The following DHRSX variants were observed in gnomAD, a reference collection of about 807,000 sequenced individuals.
The protein encoded by DHRSX is dehydrogenase/reductase X-linked, also known as polyprenol dehydrogenase.
DHRSX carries 31 observed loss-of-function variants against 34.0 expected under a neutral mutation model. The ratio of observed to expected loss-of-function variants is 0.91; its 90% confidence interval spans 0.69 to 1.23. The LOEUF (loss-of-function observed/expected upper bound fraction) is 1.23, where lower values mean the gene tolerates loss of function less well. Ranked by LOEUF, DHRSX falls within the 50% of genes most tolerant of loss-of-function variation. The probability of loss-of-function intolerance (pLI) is 0.00; values close to 1 mark genes in which losing one functional copy is unlikely to be tolerated. For missense variants in DHRSX, 414 were observed against 428.1 expected (o/e 0.97, Z 0.29); for synonymous variants, 201 against 183.8 (o/e 1.09, Z -0.76).
chrX:2,265,169 G>A (rs1426692386), intron 5 of DHRSX, among the ~76,000 whole-genome samples: 7 of 119,110 alleles, frequency 5.9e-5, no homozygotes, highest in African/African-American at 1.7e-4. Context: ...TCCAGCAGAC[G>A]CAGGGAGCAC....
At chrX:2,237,451 T>C (rs964384816) in intron 6 of DHRSX, among the ~76,000 whole-genome samples, 1 of 152,030 alleles carries the variant, frequency 6.6e-6, no homozygotes, top group Non-Finnish European at 1.5e-5. Flanking sequence ...CAGGACTTGC[T>C]GGACATGAGC....
Position 2,238,284 on chromosome X carries a change from C to T in DHRSX, c.804+4739G>A, listed in dbSNP as rs1037439206. Among the ~76,000 whole-genome samples the T allele has an allele frequency of 4.3e-4, 65 of 152,230 alleles. 1 individual carries two copies. The highest frequency in any genetic ancestry group is 9.8e-4 in the Admixed American group (15 of 15,264). ...AGGTGGGGTGATCGTTTCAGTCCAG[C>T]AGGTCGAGGCTGCTGTGAGCTGTGA... is the stretch of plus-strand genomic sequence containing the variant. On this transcript the variant is annotated intron_variant, in intron 6 of 6. Transcript: ENST00000334651.
intron 4 of DHRSX, among the ~76,000 whole-genome samples, chrX:2,287,766 G>A (rs1436461135): frequency 2.0e-5 from 3 of 152,052 alleles, no homozygotes; most frequent in African/African-American, 7.2e-5. Flanking sequence ...TCCTCATGTG[G>A]GAAACAGAAT....
intron 5 of DHRSX, chrX:2,261,305 T>C (rs1259804028): frequency 2.6e-5 from 4 of 152,172 alleles, no homozygotes; most frequent in African/African-American, 4.8e-5. Context: ...AAAACTCTCT[T>C]GTTAATTGCA....
intron 1 of DHRSX, among the ~76,000 whole-genome samples, chrX:2,497,961 G>A (rs1029052563): frequency 2.0e-5 from 3 of 152,254 alleles, no homozygotes; most frequent in Non-Finnish European, 2.9e-5. Flanking sequence ...TGAATGGGCC[G>A]CATGGATATA....
chrX:2,334,454 C>T (rs1245074672), intron 3 of DHRSX: 1 of 151,686 alleles, frequency 6.6e-6, no homozygotes, highest in African/African-American at 2.4e-5. Flanking sequence ...GACCCAGCCG[C>T]CTATTTTCTT....
intron 2 of DHRSX, among the ~76,000 whole-genome samples, chrX:2,421,479 G>A (rs756970151): frequency 5.3e-5 from 8 of 152,270 alleles, no homozygotes; most frequent in African/African-American, 1.7e-4. Context: ...AGTGAAGGAC[G>A]GAGCAAGGAG....
intron 1 of DHRSX, among the ~76,000 whole-genome samples, chrX:2,462,979 T>C (rs890003397): frequency 1.3e-5 from 2 of 152,040 alleles, no homozygotes; most frequent in Non-Finnish European, 2.9e-5. Context: ...TCAAGCCTCA[T>C]GAATAGGATC....
chrX:2,455,956 A>G (rs1340480712), intron 1 of DHRSX, among the ~76,000 whole-genome samples: 1 of 152,062 alleles, frequency 6.6e-6, no homozygotes, highest in African/African-American at 2.4e-5. Flanking sequence ...CTGGGCTTCC[A>G]CAAATCCCCG....
intron 2 of DHRSX, among the ~76,000 whole-genome samples, chrX:2,417,600 T>C (rs2043713372): frequency 6.6e-6 from 1 of 152,042 alleles, no homozygotes. Context: ...GACGTCATCA[T>C]GACCTACCCA....
chrX:2,327,163 G>A (rs1489084718), intron 3 of DHRSX, among the ~76,000 whole-genome samples: 9 of 152,138 alleles, frequency 5.9e-5, no homozygotes, highest in East Asian at 1.9e-4. Context: ...CATGAGTGAC[G>A]CTGGCGGCCA....
intron 6 of DHRSX, among the ~76,000 whole-genome samples, chrX:2,224,673 T>A (rs1229369920): frequency 5.3e-5 from 8 of 152,130 alleles, no homozygotes; most frequent in Non-Finnish European, 1.0e-4. Flanking sequence ...TACATTCGTA[T>A]GTACTCACAT....
chrX:2,478,825 G>A (rs2044723186), intron 1 of DHRSX, among the ~76,000 whole-genome samples: 1 of 150,512 alleles, frequency 6.6e-6, no homozygotes, highest in Admixed American at 6.6e-5. Context: ...CACCATGTAA[G>A]AAGTGAAGAC....
chrX:2,247,276 CCT>C, intron 5 of DHRSX, among the ~76,000 whole-genome samples: 1 of 151,972 alleles, frequency 6.6e-6, no homozygotes, highest in African/African-American at 2.4e-5. Flanking sequence ...ACCTCCTCTC[CCT>C]GTTATAAAAT....
chrX:2,306,213 C>CT (rs751657625), intron 3 of DHRSX, among the ~76,000 whole-genome samples: 2,324 of 146,646 alleles, frequency 0.016, 32 homozygotes, highest in South Asian at 0.017. Context: ...CAATCAGCAT[C>CT]TTTTTTTTTT....
intron 5 of DHRSX, among the ~76,000 whole-genome samples, chrX:2,264,962 G>GAGCACCTGTGCCCAGCAGATGCAGGA (rs2041426367): frequency 7.7e-6 from 1 of 130,324 alleles, no homozygotes; most frequent in Admixed American, 7.8e-5. Flanking sequence ...ACCGTAGCCA[G>GAGCACCTGTGCCCAGCAGATGCAGGA]AGCACCTGTG....
At chrX:2,466,754 C>T (rs1025192003) in intron 1 of DHRSX, among the ~76,000 whole-genome samples, 14 of 151,996 alleles carry the variant, frequency 9.2e-5, no homozygotes, top group Admixed American at 2.6e-4. Flanking sequence ...TACCTGCGCA[C>T]GTCCCCCTCA....
intron 3 of DHRSX, among the ~76,000 whole-genome samples, chrX:2,322,002 G>A (rs1025557704): frequency 2.0e-4 from 31 of 151,974 alleles, no homozygotes; most frequent in Admixed American, 4.6e-4. Context: ...ATAAGTGATT[G>A]GGGTACTGGT....
At chrX:2,273,705 C>T (rs1206065169) in intron 4 of DHRSX, among the ~76,000 whole-genome samples, 6 of 152,190 alleles carry the variant, frequency 3.9e-5, no homozygotes, top group African/African-American at 1.4e-4. Context: ...GTGTACCTTC[C>T]AGGTGTAAGT....
Sources: allele counts gnomAD v4.1 joint callset (sites outside exome capture counted in the v4.1 genomes callset), GRCh38; gene constraint gnomAD v4.1.1; transcripts MANE v1.5; gene names NCBI Gene and HGNC (gene_info 2026-07-23, HGNC 2026-07-21).